The following SERPINE2 variants were observed in gnomAD, a reference collection of about 807,000 sequenced individuals.
SERPINE2 encodes the protein serpin family E member 2.
SERPINE2 carries 14 observed loss-of-function variants against 36.3 expected under a neutral mutation model. That is an observed-to-expected ratio of 0.39 (90% CI 0.25 to 0.60). The LOEUF (loss-of-function observed/expected upper bound fraction) is 0.60, where lower values mean the gene tolerates loss of function less well. Ranked by LOEUF, SERPINE2 falls within the 20% of genes least tolerant of loss-of-function variation. The pLI is 0.57. For synonymous variants in SERPINE2, 192 were observed against 191.8 expected, an observed-to-expected ratio of 1.00 and a Z score of -0.01; for missense variants, 418 against 499.6, an observed-to-expected ratio of 0.84 and a Z score of 1.56.
At chr2:224,031,491 T>C (rs2106202793) in intron 1 of SERPINE2, 1 of 985,566 alleles carries the variant, frequency 1.0e-6, no homozygotes, top group Non-Finnish European at 1.2e-6. Flanking sequence ...CCATGTGATT[T>C]GGGATTCAGC....
At chr2:224,038,743 C>G in intron 1 of SERPINE2, 2 of 556,374 alleles carry the variant, frequency 3.6e-6, no homozygotes, top group Non-Finnish European at 6.4e-6. Flanking sequence ...AGGGTCAGGG[C>G]CGGCTCGGAT....
chr2:224,003,426 A>T (rs1691268174), intron 1 of SERPINE2, among the ~76,000 whole-genome samples: 1 of 152,222 alleles, frequency 6.6e-6, no homozygotes, highest in Non-Finnish European at 1.5e-5. Context: ...CAAGCGCTTG[A>T]TTCTTTTACC....
intron 2 of SERPINE2, among the ~76,000 whole-genome samples, chr2:224,000,132 C>T (rs962659900): frequency 6.6e-6 from 1 of 152,228 alleles, no homozygotes; most frequent in African/African-American, 2.4e-5. Flanking sequence ...TACTCTCCAG[C>T]TGACGACGCC....
At chr2:223,992,359 T>TTC (rs1690710208) in intron 3 of SERPINE2, among the ~76,000 whole-genome samples, 2 of 117,404 alleles carry the variant, frequency 1.7e-5, no homozygotes, top group Non-Finnish European at 3.7e-5. Flanking sequence ...TCTTCTTCTT[T>TTC]TCTTTTTTTT....
chr2:224,015,084 TG>T (rs1395041440), intron 1 of SERPINE2, among the ~76,000 whole-genome samples: 19 of 144,442 alleles, frequency 1.3e-4, no homozygotes, highest in Middle Eastern at 7.1e-3. Flanking sequence ...ATCTGCTAGG[TG>T]GGGGGAGGCC....
intron 7 of SERPINE2, chr2:223,978,208 T>TTA (rs1690084480): frequency 1.3e-5 from 2 of 152,832 alleles, no homozygotes; most frequent in South Asian, 4.1e-4. Flanking sequence ...ATTTTTGTAT[T>TTA]TTTAGAGACA....
chr2:224,021,033 C>T (rs376661454), intron 1 of SERPINE2, among the ~76,000 whole-genome samples: 17 of 152,294 alleles, frequency 1.1e-4, no homozygotes, highest in East Asian at 5.8e-4. Context: ...CAAACCTCTA[C>T]GGCCCAGAGA....
chr2:223,979,681 G>C (rs534866401), intron 7 of SERPINE2: 1 of 152,254 alleles, frequency 6.6e-6, no homozygotes, highest in Non-Finnish European at 1.5e-5. Flanking sequence ...AATTATCAAG[G>C]AAGGCTGTAC....
intron 1 of SERPINE2, among the ~76,000 whole-genome samples, chr2:224,026,466 T>C (rs758582020): frequency 2.6e-5 from 4 of 152,228 alleles, no homozygotes; most frequent in Non-Finnish European, 5.9e-5. Flanking sequence ...TAATATGCAT[T>C]GACTGAGAGA....
intron 2 of SERPINE2, among the ~76,000 whole-genome samples, chr2:224,000,078 C>T (rs1357427062): frequency 6.6e-6 from 1 of 152,202 alleles, no homozygotes; most frequent in East Asian, 1.9e-4. Context: ...GAGGCGGGTG[C>T]AGAGCGAGGC....
intron 3 of SERPINE2, among the ~76,000 whole-genome samples, chr2:223,995,773 A>G (rs1690862133): frequency 1.3e-5 from 2 of 152,350 alleles, no homozygotes; most frequent in East Asian, 1.9e-4. Context: ...AGCAATAGTT[A>G]ACACAGCTCA....
intron 3 of SERPINE2, among the ~76,000 whole-genome samples, chr2:223,992,375 T>C (rs370769543): frequency 6.6e-6 from 1 of 152,134 alleles, no homozygotes; most frequent in African/African-American, 2.4e-5. Flanking sequence ...TTTTTGCCAA[T>C]AAATGACTGA....
intron 1 of SERPINE2, among the ~76,000 whole-genome samples, chr2:224,007,404 A>G (rs970017331): frequency 2.6e-5 from 4 of 152,228 alleles, no homozygotes; most frequent in Admixed American, 2.6e-4. Context: ...ACATATGCAA[A>G]TATTTAATAC....
rs73994313 is a variant in SERPINE2, at chr2:224,012,761, T to C, written c.-22-10839A>G. On this transcript the variant is annotated intron_variant, in intron 1 of 8. Coordinates refer to ENST00000409304, the MANE Select transcript of SERPINE2 (RefSeq NM_001136528.2). ...ATTTCTGTAATGAAATCACCACTTA[T>C]AACAAGCATCCCTTTTCCTTTTATC... is the stretch of plus-strand genomic sequence containing the variant. Among the ~76,000 whole-genome samples the C allele has an allele frequency of 8.0e-3, 1,217 of 152,316 alleles. 20 individuals are homozygous for C. Among genetic ancestry groups the C allele is most frequent in the African/African-American group, 0.027 (1,131 of 41,562 alleles).
chr2:224,022,283 G>T (rs1412452553), intron 1 of SERPINE2, among the ~76,000 whole-genome samples: 1 of 146,034 alleles, frequency 6.8e-6, no homozygotes, highest in Non-Finnish European at 1.5e-5. Context: ...AGTGAGCCCA[G>T]ATCACACCAC....
intron 2 of SERPINE2, among the ~76,000 whole-genome samples, chr2:224,000,054 G>A (rs879526650): frequency 1.3e-4 from 20 of 152,232 alleles, no homozygotes; most frequent in Non-Finnish European, 2.6e-4. Context: ...TGGAGGCCAC[G>A]CTGAGCAGAG....
Position 223,998,419 on chromosome 2 carries a change from CAAGT to C in SERPINE2, c.260-81_260-78del. The C allele has an allele frequency of 2.6e-6, 3 of 1,137,726 alleles. No homozygotes were observed. The South Asian group carries it at 4.1e-5, about 16-fold the overall frequency. The allele number at this position is 1,137,726 out of a possible 1,614,324, so 70.5% of individuals were successfully genotyped here. A position where few individuals can be genotyped will look rare whatever the true frequency, so the allele number is the denominator to read the frequency against. On this transcript the variant is annotated intron_variant, in intron 2 of 8. Coordinates refer to ENST00000409304, the MANE Select transcript of SERPINE2 (RefSeq NM_001136528.2). ...GTTTTTAAAATCTTTTATGTTGCAG[CAAGT>C]AAGAACAGTATAGGCCAGGTGCAGT...
At chr2:224,029,382 A>T (rs200908095) in intron 1 of SERPINE2, among the ~76,000 whole-genome samples, 1 of 18,610 alleles carries the variant, frequency 5.4e-5, no homozygotes, top group African/African-American at 1.6e-4. Context: ...TAAAATCCTT[A>T]AAAAAATCCT....
At chr2:224,015,950 C>T (rs149486198) in intron 1 of SERPINE2, among the ~76,000 whole-genome samples, 1 of 152,142 alleles carries the variant, frequency 6.6e-6, no homozygotes, top group Non-Finnish European at 1.5e-5. Flanking sequence ...AAAAAAAAAT[C>T]GGATTAGGAA....
Sources: gnomAD v4.1 joint callset for allele counts (sites outside exome capture counted in the v4.1 genomes callset) on GRCh38, gnomAD v4.1.1 for gene constraint, MANE v1.5 for transcripts, NCBI Gene and HGNC (gene_info 2026-07-23, HGNC 2026-07-21) for gene names.